NRXN3: variants seen among roughly 807,000 people sequenced by gnomAD.
NRXN3 encodes the protein neurexin 3, also known as neurexin III.
Under a neutral mutation model 137.6 loss-of-function variants are expected in NRXN3, and 32 were observed. The observed-to-expected ratio is 0.23, with a 90% CI of 0.18 to 0.31. The LOEUF (loss-of-function observed/expected upper bound fraction) is 0.31. Ranked by LOEUF, NRXN3 falls within the 10% of genes least tolerant of loss-of-function variation. The pLI is 1.00. For synonymous variants in NRXN3, 798 were observed against 784.5 expected, an observed-to-expected ratio of 1.02 and a Z score of -0.29; for missense variants, 1,574 against 2,062.5, an observed-to-expected ratio of 0.76 and a Z score of 4.59.
At chr14:78,189,847 T>G (rs1008875540) in intron 1 of NRXN3, among the ~76,000 whole-genome samples, 5 of 152,164 alleles carry the variant, frequency 3.3e-5, no homozygotes, top group Non-Finnish European at 7.3e-5. Flanking sequence ...CATTTCATGT[T>G]CCCAGGTCTG....
chr14:79,086,160 A>G (rs1411438378), intron 15 of NRXN3, among the ~76,000 whole-genome samples: 1 of 152,098 alleles, frequency 6.6e-6, no homozygotes, highest in Non-Finnish European at 1.5e-5. Flanking sequence ...ATGAGATAGG[A>G]TGTCATCCTG....
At chr14:79,782,800 G>A (rs1185388224) in intron 19 of NRXN3, among the ~76,000 whole-genome samples, 2 of 152,060 alleles carry the variant, frequency 1.3e-5, no homozygotes, top group African/African-American at 2.4e-5. Flanking sequence ...CCCATAGGGT[G>A]GAATTATCTG....
chr14:78,549,160 G>A (rs2096663444), intron 4 of NRXN3, among the ~76,000 whole-genome samples: 1 of 152,136 alleles, frequency 6.6e-6, no homozygotes, highest in Non-Finnish European at 1.5e-5. Flanking sequence ...TTCATTTAGA[G>A]AAGCCAGGTC....
chr14:79,816,887 T>C (rs1223651522), intron 20 of NRXN3, among the ~76,000 whole-genome samples: 1 of 152,202 alleles, frequency 6.6e-6, no homozygotes, highest in Admixed American at 6.5e-5. Flanking sequence ...AAGATGATTT[T>C]ATTGTAAGAT....
intron 15 of NRXN3, 78 bp from the exon 16 acceptor site, chr14:79,467,143 T>A: frequency 7.3e-7 from 1 of 1,378,948 alleles, no homozygotes; most frequent in East Asian, 2.4e-5. Flanking sequence ...CTGTTCTGTG[T>A]AGGGTCTCAA....
chr14:78,234,681 C>T (rs2065933715), intron 1 of NRXN3, among the ~76,000 whole-genome samples: 1 of 152,190 alleles, frequency 6.6e-6, no homozygotes, highest in South Asian at 2.1e-4. Flanking sequence ...TTTGGTCCAC[C>T]TCCTTATATT....
intron 11 of NRXN3, among the ~76,000 whole-genome samples, chr14:78,958,449 G>A (rs1597893643): frequency 6.6e-6 from 1 of 151,238 alleles, no homozygotes; most frequent in Non-Finnish European, 1.5e-5. Flanking sequence ...TCTGCCTCCC[G>A]GGTTCACGCC....
intron 15 of NRXN3, among the ~76,000 whole-genome samples, chr14:79,311,498 C>G (rs1278326804): frequency 2.6e-4 from 15 of 58,614 alleles, no homozygotes; most frequent in Admixed American, 2.7e-4. Context: ...GGAATAGTTT[C>G]AGAAGGAATG....
At chr14:78,401,749 G>T (rs1391111735) in intron 4 of NRXN3, among the ~76,000 whole-genome samples, 4 of 152,102 alleles carry the variant, frequency 2.6e-5, no homozygotes, top group Non-Finnish European at 5.9e-5. Context: ...GTATAAAGCT[G>T]GCTGGCCCAC....
chr14:79,001,120 T>C (rs2099540522), intron 15 of NRXN3, among the ~76,000 whole-genome samples: 1 of 152,140 alleles, frequency 6.6e-6, no homozygotes, highest in Admixed American at 6.5e-5. Context: ...ACATGGAATC[T>C]TTTGGTGGCG....
chr14:78,171,495 GCT>G (rs2058720581), intron 1 of NRXN3, among the ~76,000 whole-genome samples: 1 of 152,140 alleles, frequency 6.6e-6, no homozygotes, highest in African/African-American at 2.4e-5. Context: ...GGTTTTGCAA[GCT>G]CTCAGTGACC....
intron 4 of NRXN3, among the ~76,000 whole-genome samples, chr14:78,387,316 A>G (rs2090116868): frequency 6.6e-6 from 1 of 152,086 alleles, no homozygotes; most frequent in Non-Finnish European, 1.5e-5. Context: ...TTCTTTTTTG[A>G]GTTATGCTGG....
At chr14:79,758,488 C>T (rs561992516) in intron 19 of NRXN3, among the ~76,000 whole-genome samples, 2 of 152,240 alleles carry the variant, frequency 1.3e-5, no homozygotes, top group South Asian at 2.1e-4. Flanking sequence ...CTCATTACCT[C>T]GAGGAAGGCA....
At chr14:79,241,631 C>T (rs535844399) in intron 15 of NRXN3, among the ~76,000 whole-genome samples, 29 of 152,186 alleles carry the variant, frequency 1.9e-4, no homozygotes, top group South Asian at 4.1e-4. Context: ...GGTGAGATTT[C>T]GATGGGGAAA....
At chr14:79,174,627 G>A (rs1002522945) in intron 15 of NRXN3, among the ~76,000 whole-genome samples, 4 of 149,028 alleles carry the variant, frequency 2.7e-5, no homozygotes, top group Non-Finnish European at 4.4e-5. Flanking sequence ...ATATTTTGCG[G>A]TGGTTTAAAA....
chr14:79,376,475 C>T (rs1189974019), intron 15 of NRXN3, among the ~76,000 whole-genome samples: 1 of 151,922 alleles, frequency 6.6e-6, no homozygotes, highest in East Asian at 1.9e-4. Context: ...GACTGCATCT[C>T]TGATTCTCTA....
chr14:79,710,524 T>TGTAACACGTGTCTACTGATAA (rs1431447536), intron 19 of NRXN3, among the ~76,000 whole-genome samples: 5 of 152,162 alleles, frequency 3.3e-5, no homozygotes, highest in Non-Finnish European at 5.9e-5. Context: ...AGAGTGCTAT[T>TGTAACACGTGTCTACTGATAA]GTAACACGTG....
At chr14:78,900,296 T>A (rs1435435779) in intron 10 of NRXN3, among the ~76,000 whole-genome samples, 1 of 152,012 alleles carries the variant, frequency 6.6e-6, no homozygotes, top group African/African-American at 2.4e-5. Flanking sequence ...ATGCCTGCGT[T>A]TGAAGCCCCT....
At position 79,861,041 on chromosome 14, in the gene NRXN3, G is replaced by A; in HGVS notation, c.4094-301G>A. ...TTTCTTTTTCTTTTCCATCCCAGGA[G>A]GTGAATTAGTTATCCCTCTTCTTGT... On this transcript the variant is annotated intron_variant, in intron 20 of 20. Transcript: ENST00000335750. This position sits in a 1 kb window ranked among gnomAD's most constrained non-coding sequence, Gnocchi z 5.4. 1 of 1,398,508 alleles carries A rather than the reference G, an allele frequency of 7.2e-7. No individual in the cohort carries two copies. Among genetic ancestry groups the A allele is most frequent in the Non-Finnish European group, 9.3e-7 (1 of 1,077,702 alleles). The allele number at this position is 1,398,508 out of a possible 1,614,324, so 86.6% of individuals were successfully genotyped here. A position where few individuals can be genotyped will look rare whatever the true frequency, so the allele number is the denominator to read the frequency against.
Sources: allele counts gnomAD v4.1 joint callset (sites outside exome capture counted in the v4.1 genomes callset), GRCh38; gene constraint gnomAD v4.1.1; non-coding constraint Gnocchi (gnomAD v3.1); transcripts MANE v1.5; gene names NCBI Gene and HGNC (gene_info 2026-07-23, HGNC 2026-07-21).